The following SPATA13 variants were observed in gnomAD, a reference collection of about 807,000 sequenced individuals.
The protein encoded by SPATA13 is spermatogenesis-associated protein 13.
A neutral mutation model predicts 104.0 loss-of-function variants in SPATA13; 50 were observed. That is an observed-to-expected ratio of 0.48 (90% confidence interval 0.38 to 0.61). SPATA13 has a LOEUF of 0.61. Ranked by LOEUF, SPATA13 falls within the 20% of genes least tolerant of loss-of-function variation. SPATA13 has a pLI of 0.00. For synonymous variants in SPATA13, 606 were observed against 667.5 expected, an observed-to-expected ratio of 0.91 and a Z score of 1.42; for missense variants, 1,524 against 1,690.6, an observed-to-expected ratio of 0.90 and a Z score of 1.73.
intron 3 of SPATA13, among the ~76,000 whole-genome samples, chr13:24,045,703 G>A (rs1878118594): frequency 1.3e-5 from 2 of 152,200 alleles, no homozygotes; most frequent in Non-Finnish European, 2.9e-5. Flanking sequence ...GAATCGCCAA[G>A]CAAGTCCTAT....
chr13:24,189,789 T>C (rs533477128), intron 1 of SPATA13, among the ~76,000 whole-genome samples: 576 of 6,980 alleles, frequency 0.083, 130 homozygotes, highest in South Asian at 0.4. Flanking sequence ...ATTTATAATA[T>C]AATAAATATA....
At chr13:23,983,894 A>T in exon 2 of SPATA13, 1 of 985,468 alleles carries the variant, frequency 1.0e-6, no homozygotes, top group Non-Finnish European at 1.2e-6. Flanking sequence ...CACCGTGCAG[A>T]TGGCAAAGCG....
chr13:24,122,516 C>T (rs1330139076), intron 3 of SPATA13: 1 of 1,605,546 alleles, frequency 6.2e-7, no homozygotes, highest in Non-Finnish European at 8.5e-7. Context: ...TCATCTTCAT[C>T]ACTCCCCGGT....
At chr13:24,282,415 GCCCTCTGT>G (rs1875613000) in intron 4 of SPATA13, among the ~76,000 whole-genome samples, 1 of 152,214 alleles carries the variant, frequency 6.6e-6, no homozygotes, top group Non-Finnish European at 1.5e-5. Context: ...CCTTCAGCCA[GCCCTCTGT>G]CCTTGCTGGC....
intron 3 of SPATA13, among the ~76,000 whole-genome samples, chr13:24,105,048 G>C (rs978179216): frequency 6.6e-6 from 1 of 152,158 alleles, no homozygotes; most frequent in African/African-American, 2.4e-5. Context: ...GAAGTCACTT[G>C]GTCTTCTGAA....
chr13:24,248,416 C>T (rs985792643), intron 2 of SPATA13, among the ~76,000 whole-genome samples: 6 of 152,320 alleles, frequency 3.9e-5, no homozygotes, highest in African/African-American at 1.4e-4. Context: ...CATGTCTGCT[C>T]GATTCCCAGC....
upstream of SPATA13, among the ~76,000 whole-genome samples, chr13:24,157,075 C>G (rs559320445): frequency 6.6e-6 from 1 of 152,198 alleles, no homozygotes. Flanking sequence ...GCCTCTGCTT[C>G]CCTAACCCGG....
Position 24,286,140 on chromosome 13 carries a change from G to A in SPATA13, c.2302-74G>A. 7.0e-7 allele frequency: 1 copy of A among 1,421,240 alleles called. No homozygotes were observed. The highest frequency in any genetic ancestry group is 1.3e-5 in the South Asian group (1 of 74,576). The allele number at this position is 1,421,240 out of a possible 1,614,324, so 88.0% of individuals were successfully genotyped here. A position where few individuals can be genotyped will look rare whatever the true frequency, so the allele number is the denominator to read the frequency against. ...AGGATACCAGTGTCACCCTGAGAGA[G>A]TGCACCTAGTGGCTCCCTCACCATC... On this transcript the variant is annotated intron_variant, in intron 5 of 12. Coordinates refer to ENST00000382108, the MANE Select transcript of SPATA13 (RefSeq NM_001166271.3). This position sits in a 1 kb window ranked among gnomAD's most constrained non-coding sequence, Gnocchi z 4.9.
At chr13:24,006,435 C>A (rs1361316918) in intron 2 of SPATA13, among the ~76,000 whole-genome samples, 3 of 152,184 alleles carry the variant, frequency 2.0e-5, no homozygotes, top group Non-Finnish European at 4.4e-5. Context: ...AACGACAAGA[C>A]AAACATGTTT....
At chr13:24,116,781 C>A (rs914526832) in intron 3 of SPATA13, among the ~76,000 whole-genome samples, 5 of 145,860 alleles carry the variant, frequency 3.4e-5, no homozygotes, top group African/African-American at 7.9e-5. Context: ...CCCCCCCCCC[C>A]AATGTGCTGA....
At chr13:24,186,758 T>A (rs1247960989) in intron 1 of SPATA13, among the ~76,000 whole-genome samples, 1 of 152,116 alleles carries the variant, frequency 6.6e-6, no homozygotes, top group African/African-American at 2.4e-5. Flanking sequence ...TTGTTTGAAA[T>A]GGGCAACAAC....
intron 4 of SPATA13, chr13:24,278,682 G>A: frequency 1.3e-6 from 2 of 1,529,436 alleles, no homozygotes; most frequent in Non-Finnish European, 8.7e-7. Context: ...TGTTCAGAAT[G>A]TATAAACAAC....
chr13:24,149,676 T>C (rs1244704047), intron 3 of SPATA13, among the ~76,000 whole-genome samples: 1 of 152,152 alleles, frequency 6.6e-6, no homozygotes, highest in Non-Finnish European at 1.5e-5. Context: ...TCACTGGAAA[T>C]GGCTGATGGG....
chr13:24,027,487 C>A (rs1877283166), intron 3 of SPATA13, among the ~76,000 whole-genome samples: 1 of 151,956 alleles, frequency 6.6e-6, no homozygotes, highest in African/African-American at 2.4e-5. Context: ...ATTAATATTT[C>A]CAAAGAATAA....
chr13:24,282,268 C>A (rs1344417958), intron 4 of SPATA13, among the ~76,000 whole-genome samples: 1 of 152,136 alleles, frequency 6.6e-6, no homozygotes, highest in East Asian at 1.9e-4. Flanking sequence ...TTAGATTGAT[C>A]CGAATATAAA....
chr13:24,241,690 T>C (rs1384481540), intron 2 of SPATA13, among the ~76,000 whole-genome samples: 1 of 152,156 alleles, frequency 6.6e-6, no homozygotes, highest in Non-Finnish European at 1.5e-5. Context: ...CCGGGATAAT[T>C]CACCTCCCTT....
intron 4 of SPATA13, among the ~76,000 whole-genome samples, chr13:24,255,437 G>A (rs1387519829): frequency 2.0e-5 from 3 of 152,058 alleles, no homozygotes; most frequent in Non-Finnish European, 4.4e-5. Flanking sequence ...TCACTCATCT[G>A]TTTTGTTCCT....
At position 24,302,891 on chromosome 13, in the gene SPATA13, G is replaced by A; in HGVS notation, c.*118G>A. 1 of 1,295,664 alleles carries A rather than the reference G, an allele frequency of 7.7e-7. No individual in the cohort carries two copies. The highest frequency in any genetic ancestry group is 2.4e-5 in the East Asian group (1 of 41,314). The allele number at this position is 1,295,664 out of a possible 1,614,324, so 80.3% of individuals were successfully genotyped here. On this transcript the variant is annotated 3_prime_UTR_variant, in exon 13 of 13. Transcript: ENST00000382108. ...CCAGTGATAAAAACTTCCTTTTAGGGATCAATGAAGGAGAGAAGGTCTTGG... is the reference window on the plus strand; with the variant it reads ...CCAGTGATAAAAACTTCCTTTTAGGAATCAATGAAGGAGAGAAGGTCTTGG...
At chr13:24,183,982 C>T (rs1868987846) in intron 1 of SPATA13, among the ~76,000 whole-genome samples, 1 of 152,130 alleles carries the variant, frequency 6.6e-6, no homozygotes, top group African/African-American at 2.4e-5. Context: ...CCCCCCTCTA[C>T]CCAGGAGAAA....
Sources: gnomAD v4.1 joint callset for allele counts (sites outside exome capture counted in the v4.1 genomes callset) on GRCh38, gnomAD v4.1.1 for gene constraint, Gnocchi (gnomAD v3.1) non-coding constraint, MANE v1.5 for transcripts, NCBI Gene and HGNC (gene_info 2026-07-23, HGNC 2026-07-21) for gene names.